Variants in RB1CC1 observed in about 807,000 individuals in gnomAD.
The protein encoded by RB1CC1 is RB1-inducible coiled-coil protein 1.
RB1CC1 carries 46 observed loss-of-function variants against 177.5 expected under a neutral mutation model. That is an observed-to-expected ratio of 0.26 (90% CI 0.20 to 0.33). The LOEUF (loss-of-function observed/expected upper bound fraction) is 0.33, where lower values mean the gene tolerates loss of function less well. Among genes scored for constraint, RB1CC1 ranks in the 10% least tolerant of loss-of-function variants. RB1CC1 has a pLI of 1.00. For synonymous variants in RB1CC1, 666 were observed against 613.6 expected (o/e 1.09, Z -1.26); for missense variants, 1,703 against 1,816.3 (o/e 0.94, Z 1.13).
At chr8:52,680,992 G>GT (rs1162093221) in intron 5 of RB1CC1, among the ~76,000 whole-genome samples, 56 of 119,224 alleles carry the variant, frequency 4.7e-4, no homozygotes, top group Middle Eastern at 4.2e-3. Context: ...GTGTGTGTGT[G>GT]TGTTTTTTTT....
chr8:52,684,813 A>G (rs557374186), intron 3 of RB1CC1, among the ~76,000 whole-genome samples: 84 of 152,320 alleles, frequency 5.5e-4, no homozygotes, highest in Non-Finnish European at 9.8e-4. Context: ...GGTACTTACA[A>G]CAATGGAAAT....
intron 8 of RB1CC1, among the ~76,000 whole-genome samples, chr8:52,663,372 A>G (rs1342193893): frequency 6.6e-6 from 1 of 151,878 alleles, no homozygotes; most frequent in Non-Finnish European, 1.5e-5. Flanking sequence ...TTTTGCCAAA[A>G]CCATGTAGAA....
rs572797081 is a variant in RB1CC1 at position 52,622,791 on chromosome 8, T to C, written c.*991A>G. ...TTAAAGAACATTTTTGTAATAAACA[T>C]GTTTCTCTTTGATATGATACATAAC... On this transcript the variant is annotated 3_prime_UTR_variant, in exon 24 of 24. Coordinates refer to ENST00000025008, the MANE Select transcript of RB1CC1 (RefSeq NM_014781.5). The C allele has an allele frequency of 6.6e-6, 1 of 152,082 alleles. No homozygotes were observed. The highest frequency in any genetic ancestry group is 2.4e-5 in the African/African-American group (1 of 41,422). The allele number at this position is 152,082 out of a possible 1,614,324, so 9.4% of individuals were successfully genotyped here.
At chr8:52,672,124 G>A (rs72633839) in intron 7 of RB1CC1, among the ~76,000 whole-genome samples, 28,444 of 152,000 alleles carry the variant, frequency 0.19, 2,850 homozygotes, top group Middle Eastern at 0.26. Flanking sequence ...ATTTTCTGAA[G>A]GTATAAATAT....
intron 1 of RB1CC1, among the ~76,000 whole-genome samples, chr8:52,687,181 G>A (rs987993298): frequency 1.3e-5 from 2 of 151,938 alleles, no homozygotes; most frequent in Non-Finnish European, 2.9e-5. Context: ...CCTCAAAACG[G>A]CCATTTCCAC....
At chr8:52,638,532 C>G (rs1461818388) in intron 18 of RB1CC1, among the ~76,000 whole-genome samples, 9 of 152,004 alleles carry the variant, frequency 5.9e-5, no homozygotes. Flanking sequence ...AAAAAACTGG[C>G]ATTATTTAAA....
chr8:52,713,956 G>A, intron 1 of RB1CC1, 119 bp downstream of exon 1: 3 of 211,774 alleles, frequency 1.4e-5, no homozygotes, highest in South Asian at 1.3e-4. Context: ...CCTGCGCGTG[G>A]GCCGGGCTCA....
At chr8:52,661,310 A>G (rs1378433443) in intron 9 of RB1CC1, 29 bp from the exon 10 acceptor site, 1 of 1,603,016 alleles carries the variant, frequency 6.2e-7, no homozygotes, top group Non-Finnish European at 8.5e-7. Flanking sequence ...TATTTTCAAC[A>G]TTCACAAAAC....
At chr8:52,700,982 A>T (rs955519244) in intron 1 of RB1CC1, among the ~76,000 whole-genome samples, 1 of 152,236 alleles carries the variant, frequency 6.6e-6, no homozygotes, top group Non-Finnish European at 1.5e-5. Flanking sequence ...GGTGACACCC[A>T]AAGTGCCTAA....
intron 22 of RB1CC1, 48 bp downstream of exon 22, chr8:52,627,983 TA>T: frequency 6.8e-7 from 1 of 1,463,624 alleles, no homozygotes; most frequent in Non-Finnish European, 9.1e-7. Context: ...TTTACTTATA[TA>T]ATTTCCTCCA....
intron 1 of RB1CC1, among the ~76,000 whole-genome samples, chr8:52,695,183 C>T (rs1855279812): frequency 6.6e-6 from 1 of 152,100 alleles, no homozygotes; most frequent in South Asian, 2.1e-4. Flanking sequence ...AGGTTTTCAA[C>T]CCAAGAGAAA....
At chr8:52,659,190 G>T (rs1000596345) in intron 12 of RB1CC1, among the ~76,000 whole-genome samples, 1 of 152,096 alleles carries the variant, frequency 6.6e-6, no homozygotes, top group Admixed American at 6.5e-5. Flanking sequence ...TAGTGATCAA[G>T]GGATGCACTT....
At chr8:52,690,436 A>G (rs1360768558) in intron 1 of RB1CC1, among the ~76,000 whole-genome samples, 1 of 152,238 alleles carries the variant, frequency 6.6e-6, no homozygotes, top group Non-Finnish European at 1.5e-5. Context: ...AAGCAGCATT[A>G]AACAAGAACA....
intron 16 of RB1CC1, among the ~76,000 whole-genome samples, chr8:52,643,881 AG>A (rs1849784285): frequency 6.6e-6 from 1 of 151,968 alleles, no homozygotes; most frequent in South Asian, 2.1e-4. Context: ...TGCTGGCAAT[AG>A]GGAGATTTAG....
At position 52,683,970 on chromosome 8, in the gene RB1CC1, C is replaced by A; in HGVS notation, c.115G>T (p.Ala39Ser). ...KHAIQSKYKI[A>S]IQHQVLVVNG... ...ACCACCAGCACCTGGTGTTGAATAG[C>A]AATCTTGTATTTGCTTTGAATGGCA... Residue 39 changes from alanine (A) to serine (S), a missense_variant, in exon 4 of 24, where the codon GCT becomes TCT. Ala to Ser is a moderately conservative substitution (Grantham distance 99). Around this residue, in one of 6 missense-constraint regions of RB1CC1, gnomAD observed 118 missense variants for 121.2 expected, o/e 0.97. Coordinates refer to ENST00000025008, the MANE Select transcript of RB1CC1 (RefSeq NM_014781.5). 1 of 1,614,032 alleles carries A rather than the reference C, an allele frequency of 6.2e-7. No homozygotes were observed. The highest frequency in any genetic ancestry group is 8.5e-7 in the Non-Finnish European group (1 of 1,180,004).
At chr8:52,653,036 A>G (rs981871914) in intron 15 of RB1CC1, among the ~76,000 whole-genome samples, 9 of 152,144 alleles carry the variant, frequency 5.9e-5, no homozygotes, top group African/African-American at 2.2e-4. Flanking sequence ...CAGCCTGGGT[A>G]ACAAGAGCGA....
intron 8 of RB1CC1, among the ~76,000 whole-genome samples, chr8:52,662,307 TTC>T (rs1352313013): frequency 3.0e-4 from 45 of 152,092 alleles, no homozygotes; most frequent in Admixed American, 2.8e-3. Flanking sequence ...AAAACATTTT[TTC>T]TGTTTTTCTT....
chr8:52,698,709 T>G (rs1855716173), intron 1 of RB1CC1, among the ~76,000 whole-genome samples: 1 of 39,430 alleles, frequency 2.5e-5, no homozygotes, highest in African/African-American at 1.3e-4. Context: ...TTTTTTTTTT[T>G]TTTTTTTTTT....
chr8:52,631,442 A>G (rs1251136199), intron 20 of RB1CC1, among the ~76,000 whole-genome samples: 5 of 152,176 alleles, frequency 3.3e-5, no homozygotes, highest in Admixed American at 2.0e-4. Flanking sequence ...ACACCTGGTG[A>G]CCATCAAACA....
Sources: gnomAD v4.1 joint callset for allele counts (sites outside exome capture counted in the v4.1 genomes callset) on GRCh38, gnomAD v4.1.1 for gene constraint, gnomAD v4.1.1 regional missense constraint, MANE v1.5 for transcripts, NCBI Gene and HGNC (gene_info 2026-07-23, HGNC 2026-07-21) for gene names.